SLC30A8: variants seen among roughly 807,000 people sequenced by gnomAD.
The protein encoded by SLC30A8 is solute carrier family 30 member 8.
SLC30A8 carries 27 observed loss-of-function variants against 36.9 expected under a neutral mutation model. The observed-to-expected ratio is 0.73, with a 90% confidence interval of 0.54 to 1.01. The LOEUF is 1.01. Among genes scored for constraint, SLC30A8 ranks in the 50% least tolerant of loss-of-function variants. The pLI, the probability that SLC30A8 is intolerant of heterozygous loss-of-function variation, is 0.00. For missense variants in SLC30A8, 439 were observed against 452.0 expected (o/e 0.97, Z 0.26); for synonymous variants, 164 against 172.4 (o/e 0.95, Z 0.38).
At chr8:116,978,865 A>G (rs866157766) in intron 1 of SLC30A8, among the ~76,000 whole-genome samples, 2 of 152,150 alleles carry the variant, frequency 1.3e-5, no homozygotes, top group Non-Finnish European at 2.9e-5. Context: ...TCTGTTTTAG[A>G]AACACCTGTG....
At chr8:117,169,249 A>C (rs1823236640) in intron 6 of SLC30A8, among the ~76,000 whole-genome samples, 1 of 152,112 alleles carries the variant, frequency 6.6e-6, no homozygotes, top group Non-Finnish European at 1.5e-5. Flanking sequence ...GGGAATTTTG[A>C]GTTAACTCCA....
chr8:117,023,224 G>A (rs1014922045), intron 1 of SLC30A8, among the ~76,000 whole-genome samples: 9 of 152,200 alleles, frequency 5.9e-5, no homozygotes, highest in Admixed American at 6.5e-5. Flanking sequence ...GGAAACAACA[G>A]GTGCTGGAGA....
At chr8:116,990,730 C>A (rs1243742007) in intron 1 of SLC30A8, among the ~76,000 whole-genome samples, 7 of 152,136 alleles carry the variant, frequency 4.6e-5, no homozygotes, top group Non-Finnish European at 8.8e-5. Flanking sequence ...GTATTAGTTT[C>A]TTGGTTTTGA....
intron 1 of SLC30A8, among the ~76,000 whole-genome samples, chr8:116,997,313 A>G (rs1370004815): frequency 6.6e-6 from 1 of 152,174 alleles, no homozygotes; most frequent in Non-Finnish European, 1.5e-5. Flanking sequence ...GTAATCTATA[A>G]TTCATTGCAG....
chr8:117,071,332 G>A (rs1459695873), intron 2 of SLC30A8, among the ~76,000 whole-genome samples: 1 of 151,630 alleles, frequency 6.6e-6, no homozygotes, highest in Non-Finnish European at 1.5e-5. Context: ...TGTGCCTATT[G>A]GCCATTTTTA....
intron 1 of SLC30A8, among the ~76,000 whole-genome samples, chr8:116,995,538 T>C (rs1268637952): frequency 6.6e-6 from 1 of 152,068 alleles, no homozygotes; most frequent in Non-Finnish European, 1.5e-5. Context: ...TTGTGGGATG[T>C]GTCCCTTTAG....
At chr8:117,029,380 T>G (rs1022143581) in intron 1 of SLC30A8, among the ~76,000 whole-genome samples, 2 of 152,224 alleles carry the variant, frequency 1.3e-5, no homozygotes, top group Admixed American at 1.3e-4. Context: ...GTGCATAGAT[T>G]ATTTGTTTTA....
chr8:117,000,615 A>T (rs1414255811), intron 1 of SLC30A8, among the ~76,000 whole-genome samples: 2 of 152,242 alleles, frequency 1.3e-5, no homozygotes, highest in Non-Finnish European at 2.9e-5. Context: ...GTATCTGCTG[A>T]TGCTCAAATG....
chr8:117,161,809 G>C lies in SLC30A8; in HGVS notation c.644G>C (p.Arg215Thr). ...HKEVQANASV[R>T]AAFVHALGDL... is the part of the protein sequence containing the mutation. ...GAAGTACAAGCCAATGCCAGCGTCA[G>C]AGCTGCTTTTGTGCATGCCCTTGGA... The change falls in exon 5 of 8, where the codon AGA (arginine) becomes ACA (threonine). Residue 215 changes from arginine to threonine, a missense_variant. Arg to Thr is a moderately conservative substitution (Grantham distance 71). Transcript: ENST00000456015. The C allele has an allele frequency of 6.2e-7, 1 of 1,614,002 alleles. No individual in the cohort carries two copies.
chr8:117,156,657 A>C (rs914950366), intron 3 of SLC30A8, among the ~76,000 whole-genome samples: 1 of 152,236 alleles, frequency 6.6e-6, no homozygotes, highest in Non-Finnish European at 1.5e-5. Context: ...ATTACAAAAT[A>C]AACTAGCACA....
intron 1 of SLC30A8, among the ~76,000 whole-genome samples, chr8:116,961,857 T>C (rs1814435246): frequency 6.6e-6 from 1 of 151,894 alleles, no homozygotes; most frequent in African/African-American, 2.4e-5. Flanking sequence ...CTCAAACTCC[T>C]GTATGAGCCT....
At chr8:117,092,741 C>T (rs955858055) in intron 2 of SLC30A8, among the ~76,000 whole-genome samples, 5 of 152,178 alleles carry the variant, frequency 3.3e-5, no homozygotes, top group African/African-American at 1.2e-4. Context: ...TGGGGAGGTT[C>T]CTCGTCTTGT....
At chr8:117,146,431 A>G (rs1454375407) in intron 1 of SLC30A8, among the ~76,000 whole-genome samples, 2 of 152,166 alleles carry the variant, frequency 1.3e-5, no homozygotes. Flanking sequence ...TAACATTAAT[A>G]ATTGGTAGCC....
Position 117,146,878 on chromosome 8 carries a change from G to A in SLC30A8, c.72-76G>A, listed in dbSNP as rs1028726439. 1.0e-5 allele frequency: 16 copies of A among 1,591,818 alleles called. No homozygotes were observed. In the African/African-American group the frequency reaches 2.0e-4, roughly 20 times the overall value. ...GCAAATGTCCTAATAGCGGTTCCAA[G>A]TATGGGCAGGGTGGGTCAGTGAGTG... On this transcript the variant is annotated intron_variant, in intron 1 of 7. Transcript: ENST00000456015.
chr8:116,954,956 C>T (rs1160042725), intron 1 of SLC30A8, among the ~76,000 whole-genome samples: 2 of 152,108 alleles, frequency 1.3e-5, no homozygotes, highest in Non-Finnish European at 2.9e-5. Flanking sequence ...ACGCCACATC[C>T]ATTGTTATAA....
intron 1 of SLC30A8, among the ~76,000 whole-genome samples, chr8:117,011,954 T>C (rs1816356987): frequency 6.6e-6 from 1 of 152,214 alleles, no homozygotes; most frequent in South Asian, 2.1e-4. Flanking sequence ...TCACAGTGGG[T>C]AAGTTTTACT....
chr8:117,051,993 C>T (rs1246445706), intron 2 of SLC30A8, among the ~76,000 whole-genome samples: 1 of 152,064 alleles, frequency 6.6e-6, no homozygotes, highest in Admixed American at 6.5e-5. Flanking sequence ...CCTGCAGAGG[C>T]AAATAAGCCT....
In SLC30A8 at chr8:117,135,146, G is replaced by A. The variant is rs1821300409; in HGVS notation, c.-182G>A. 1 of 432,754 alleles carries A rather than the reference G, an allele frequency of 2.3e-6. No individual in the cohort carries two copies. The highest frequency in any genetic ancestry group is 4.1e-6 in the Non-Finnish European group (1 of 241,786). 26.8% of individuals were successfully genotyped at this position (432,754 alleles called of 1,614,324 possible). The stretch of plus-strand genomic sequence containing the variant: ...ATGAAGCCAGGTAATATTGCAAGGA[G>A]GCTGTAATTTTAGCAGACCTACCAA... On this transcript the variant is annotated 5_prime_UTR_variant, in exon 1 of 8. Coordinates refer to ENST00000456015, the MANE Select transcript of SLC30A8 (RefSeq NM_173851.3).
chr8:117,133,101 A>G (rs1263245079), upstream of SLC30A8, among the ~76,000 whole-genome samples: 1 of 152,044 alleles, frequency 6.6e-6, no homozygotes, highest in Non-Finnish European at 1.5e-5. Flanking sequence ...AGGTATCTAT[A>G]TATGTGTGCA....
Sources: gnomAD v4.1 joint callset for allele counts (sites outside exome capture counted in the v4.1 genomes callset) on GRCh38, gnomAD v4.1.1 for gene constraint, MANE v1.5 for transcripts, NCBI Gene and HGNC (gene_info 2026-07-23, HGNC 2026-07-21) for gene names.